The following PRKG2 variants were observed in gnomAD, a reference collection of about 807,000 sequenced individuals.
The protein encoded by PRKG2 is protein kinase cGMP-dependent 2, also known as cGMP-dependent protein kinase 2.
Under a neutral mutation model 97.2 loss-of-function variants are expected in PRKG2, and 33 were observed. The ratio of observed to expected loss-of-function variants is 0.34; its 90% CI spans 0.26 to 0.45. PRKG2 has a LOEUF of 0.45. Ranked by LOEUF, PRKG2 falls within the 20% of genes least tolerant of loss-of-function variation. The probability of loss-of-function intolerance (pLI) is 1.00; values close to 1 mark genes in which losing one functional copy is unlikely to be tolerated. For missense variants in PRKG2, 638 were observed against 900.0 expected (o/e 0.71, Z 3.73); for synonymous variants, 330 against 321.8 (o/e 1.03, Z -0.27).
In PRKG2 at chr4:81,195,135, A is replaced by G. The variant is rs2110117949; in HGVS notation, c.461+9452T>C. On this transcript the variant is annotated intron_variant, in intron 2 of 18. Transcript: ENST00000264399. ...CCTCTATATTTCCACAGCACTAGGA[A>G]CATGCTCTACTGAAGGCTCATCAAT... 2.0e-5 allele frequency among the ~76,000 whole-genome samples: 3 copies of G among 152,318 alleles called. No individual in the cohort carries two copies. The Middle Eastern group carries it at 0.01, about 518-fold the overall frequency.
intron 6 of PRKG2, among the ~76,000 whole-genome samples, chr4:81,161,691 C>A (rs1749602403): frequency 6.6e-6 from 1 of 152,152 alleles, no homozygotes; most frequent in Admixed American, 6.5e-5. Flanking sequence ...ATCTCAGAAC[C>A]AGTGATGGCA....
At chr4:81,153,792 G>A in intron 6 of PRKG2, 71 bp from the exon 7 acceptor site, 2 of 1,070,222 alleles carry the variant, frequency 1.9e-6, no homozygotes, top group Middle Eastern at 2.3e-4. Context: ...AACAGCTCCA[G>A]TATACAGCTC....
chr4:81,125,172 TA>T (rs1356812318), intron 14 of PRKG2, among the ~76,000 whole-genome samples: 1 of 152,352 alleles, frequency 6.6e-6, no homozygotes, highest in Admixed American at 6.5e-5. Context: ...AATTGATTTA[TA>T]AGAAATAAAA....
At chr4:81,185,006 T>C (rs1351481516) in intron 2 of PRKG2, among the ~76,000 whole-genome samples, 4 of 152,114 alleles carry the variant, frequency 2.6e-5, no homozygotes, top group Non-Finnish European at 4.4e-5. Context: ...ATTTGAGTGG[T>C]ATACCTGAAA....
chr4:81,121,362 G>T (rs958149874), intron 14 of PRKG2, among the ~76,000 whole-genome samples: 13 of 152,026 alleles, frequency 8.6e-5, no homozygotes, highest in African/African-American at 2.7e-4. Flanking sequence ...GAAAGACATG[G>T]TAGAGAATCA....
chr4:81,189,533 T>C (rs1752278620), intron 2 of PRKG2, among the ~76,000 whole-genome samples: 1 of 149,658 alleles, frequency 6.7e-6, no homozygotes, highest in Non-Finnish European at 1.5e-5. Context: ...ACACCGCGTA[T>C]TCTCACTCAT....
At chr4:81,203,925 G>T (rs915445073) in intron 2 of PRKG2, among the ~76,000 whole-genome samples, 2 of 152,034 alleles carry the variant, frequency 1.3e-5, no homozygotes, top group African/African-American at 4.8e-5. Context: ...TGCTTCTGTT[G>T]TCTCCCTGAC....
At chr4:81,150,946 C>T (rs1038456481) in intron 8 of PRKG2, among the ~76,000 whole-genome samples, 2 of 152,050 alleles carry the variant, frequency 1.3e-5, no homozygotes, top group African/African-American at 4.8e-5. Context: ...CTTTAAATCC[C>T]ACTTTTAAAT....
At chr4:81,168,549 G>A (rs781600244) in intron 5 of PRKG2, among the ~76,000 whole-genome samples, 10 of 151,998 alleles carry the variant, frequency 6.6e-5, no homozygotes, top group Non-Finnish European at 8.8e-5. Context: ...TGGCCCTTAC[G>A]TAAGTGTGGC....
chr4:81,087,761 T>C lies in PRKG2; in HGVS notation c.*1947A>G, dbSNP rs1741232880. 6.6e-6 allele frequency: 1 copy of C among 152,124 alleles called. No individual in the cohort carries two copies. The highest frequency in any genetic ancestry group is 2.4e-5 in the African/African-American group (1 of 41,446). The allele number at this position is 152,124 out of a possible 1,614,324, so 9.4% of individuals were successfully genotyped here. A position where few individuals can be genotyped will look rare whatever the true frequency, so the allele number is the denominator to read the frequency against. On this transcript the variant is annotated 3_prime_UTR_variant, in exon 19 of 19. Transcript: ENST00000264399. ...TTCAGTCTCTCATTTCTTCATCTTTTAAAGTACTCTAAGGAAACAATAAAA... is the reference window on the plus strand; with the variant it reads ...TTCAGTCTCTCATTTCTTCATCTTTCAAAGTACTCTAAGGAAACAATAAAA...
At chr4:81,212,387 TAAAC>T (rs1000004830) in intron 1 of PRKG2, among the ~76,000 whole-genome samples, 2 of 143,466 alleles carry the variant, frequency 1.4e-5, no homozygotes, top group African/African-American at 2.6e-5. Context: ...CATTAACAGA[TAAAC>T]AAGCAAACAC....
At chr4:81,099,715 C>A (rs1230095328) in intron 17 of PRKG2, among the ~76,000 whole-genome samples, 2 of 151,982 alleles carry the variant, frequency 1.3e-5, no homozygotes, top group African/African-American at 4.8e-5. Context: ...CTGGCCAGGG[C>A]AATCAGGCAG....
chr4:81,151,280 C>T (rs145677175), intron 8 of PRKG2, among the ~76,000 whole-genome samples: 20 of 152,108 alleles, frequency 1.3e-4, no homozygotes, highest in Non-Finnish European at 2.1e-4. Context: ...AAGTGTGTTG[C>T]TCTAACTTTA....
intron 2 of PRKG2, among the ~76,000 whole-genome samples, chr4:81,187,910 A>G (rs971126008): frequency 1.3e-5 from 2 of 152,162 alleles, no homozygotes; most frequent in Non-Finnish European, 2.9e-5. Flanking sequence ...ACCTAAAACC[A>G]TAAAAACCCT....
intron 2 of PRKG2, among the ~76,000 whole-genome samples, chr4:81,183,878 GA>G (rs1204710584): frequency 6.6e-6 from 1 of 152,184 alleles, no homozygotes; most frequent in African/African-American, 2.4e-5. Context: ...AAGCTGCAGG[GA>G]AGTTCAAACT....
intron 17 of PRKG2, among the ~76,000 whole-genome samples, chr4:81,101,514 A>C (rs1392897162): frequency 7.0e-6 from 1 of 142,460 alleles, no homozygotes; most frequent in Non-Finnish European, 1.5e-5. Flanking sequence ...GGAATTGAAC[A>C]ATGAGAACAC....
chr4:81,196,041 A>C (rs1389705298), intron 2 of PRKG2, among the ~76,000 whole-genome samples: 2 of 152,198 alleles, frequency 1.3e-5, no homozygotes, highest in Non-Finnish European at 1.5e-5. Flanking sequence ...TAAAGGGCTT[A>C]TCCAGCTGAG....
At chr4:81,101,282 C>T (rs1480071671) in intron 17 of PRKG2, among the ~76,000 whole-genome samples, 4 of 152,126 alleles carry the variant, frequency 2.6e-5, no homozygotes, top group African/African-American at 9.7e-5. Flanking sequence ...TTTATTGGGG[C>T]ACTATTCACA....
At chr4:81,165,476 G>C (rs751406063) in intron 6 of PRKG2, among the ~76,000 whole-genome samples, 10 of 152,122 alleles carry the variant, frequency 6.6e-5, no homozygotes, top group Non-Finnish European at 1.3e-4. Context: ...AGTAGTGATT[G>C]GCTGTTGTCA....
Sources: gnomAD v4.1 joint callset for allele counts (sites outside exome capture counted in the v4.1 genomes callset) on GRCh38, gnomAD v4.1.1 for gene constraint, MANE v1.5 for transcripts, NCBI Gene and HGNC (gene_info 2026-07-23, HGNC 2026-07-21) for gene names.